TCF4: variants seen among roughly 807,000 people sequenced by gnomAD.
TCF4 encodes the protein SL3-3 enhancer factor 2.
TCF4 carries 3 observed loss-of-function variants against 82.1 expected under a neutral mutation model. The ratio of observed to expected loss-of-function variants is 0.04; its 90% CI spans 0.02 to 0.09. The LOEUF is 0.09. Ranked by LOEUF, TCF4 falls within the 10% of genes least tolerant of loss-of-function variation. TCF4 has a pLI of 1.00. For missense variants in TCF4, 518 were observed against 852.7 expected, an observed-to-expected ratio of 0.61 and a Z score of 4.89; for synonymous variants, 276 against 309.6, an observed-to-expected ratio of 0.89 and a Z score of 1.14.
At chr18:55,267,193 T>C (rs2059381672) in intron 11 of TCF4, 1 of 152,170 alleles carries the variant, frequency 6.6e-6, no homozygotes, top group Non-Finnish European at 1.5e-5. Flanking sequence ...ATCTCAAACA[T>C]GTGTCAGGCT....
chr18:55,618,356 C>A (rs1432639914), intron 2 of TCF4, among the ~76,000 whole-genome samples: 1 of 152,114 alleles, frequency 6.6e-6, no homozygotes, highest in South Asian at 2.1e-4. Context: ...AGAATCTATC[C>A]ATTTCTTAAA....
intron 6 of TCF4, among the ~76,000 whole-genome samples, chr18:55,355,884 G>C (rs563789411): frequency 6.6e-6 from 1 of 152,236 alleles, no homozygotes; most frequent in African/African-American, 2.4e-5. Context: ...CATTGTGTCT[G>C]TAACAAGTCA....
intron 3 of TCF4, among the ~76,000 whole-genome samples, chr18:55,582,537 C>T (rs769313662): frequency 1.3e-5 from 2 of 152,078 alleles, no homozygotes; most frequent in African/African-American, 4.8e-5. Flanking sequence ...CAGGCTGTAG[C>T]TCAGGTTACA....
intron 8 of TCF4, among the ~76,000 whole-genome samples, chr18:55,348,926 G>A (rs997893571): frequency 6.6e-5 from 10 of 152,164 alleles, no homozygotes; most frequent in Non-Finnish European, 1.3e-4. Context: ...AATGTAAACA[G>A]CTGTTAGGAC....
intron 5 of TCF4, among the ~76,000 whole-genome samples, chr18:55,456,815 C>A (rs2095765725): frequency 6.6e-6 from 1 of 152,094 alleles, no homozygotes; most frequent in Non-Finnish European, 1.5e-5. Flanking sequence ...CTCATCGACC[C>A]TTTCTACCAT....
At chr18:55,371,530 A>G (rs905517631) in intron 6 of TCF4, among the ~76,000 whole-genome samples, 5 of 152,208 alleles carry the variant, frequency 3.3e-5, no homozygotes, top group African/African-American at 1.2e-4. Flanking sequence ...GTGAGAGCCA[A>G]GGAAGCTTTG....
chr18:55,470,181 T>C (rs2096142364), intron 3 of TCF4, among the ~76,000 whole-genome samples: 4 of 152,212 alleles, frequency 2.6e-5, no homozygotes. Flanking sequence ...TAACATTTGT[T>C]AAACACTTAG....
intron 2 of TCF4, among the ~76,000 whole-genome samples, chr18:55,623,208 G>A (rs1487884839): frequency 6.6e-6 from 1 of 152,084 alleles, no homozygotes; most frequent in Non-Finnish European, 1.5e-5. Context: ...TGGTCACTAT[G>A]TCAAAATTTC....
chr18:55,503,713 A>T (rs1368215400), intron 3 of TCF4, among the ~76,000 whole-genome samples: 9 of 152,186 alleles, frequency 5.9e-5, no homozygotes, highest in Admixed American at 5.9e-4. Context: ...TCTTTAGGCA[A>T]TATGGCCCTG....
chr18:55,540,927 A>G (rs905058213), intron 3 of TCF4, among the ~76,000 whole-genome samples: 1 of 152,050 alleles, frequency 6.6e-6, no homozygotes, highest in East Asian at 1.9e-4. Flanking sequence ...AGAGAAAAAT[A>G]TACAACAAAA....
At chr18:55,470,587 A>G (rs1211995229) in intron 3 of TCF4, among the ~76,000 whole-genome samples, 2 of 152,206 alleles carry the variant, frequency 1.3e-5, no homozygotes, top group African/African-American at 4.8e-5. Flanking sequence ...ACTAAATACC[A>G]TGTAACTTTC....
intron 1 of TCF4, among the ~76,000 whole-genome samples, chr18:55,587,505 T>C (rs1568469393): frequency 1.3e-5 from 2 of 149,180 alleles, no homozygotes; most frequent in Admixed American, 1.3e-4. Context: ...GAGAAATGAA[T>C]GGATCACAGA....
At chr18:55,541,591 G>C (rs2097165758) in intron 3 of TCF4, among the ~76,000 whole-genome samples, 1 of 151,924 alleles carries the variant, frequency 6.6e-6, no homozygotes, top group Non-Finnish European at 1.5e-5. Context: ...ATTTTTCAGA[G>C]AATGCAGTTA....
At chr18:55,385,368 T>C (rs1272032100) in intron 6 of TCF4, among the ~76,000 whole-genome samples, 1 of 152,200 alleles carries the variant, frequency 6.6e-6, no homozygotes, top group Middle Eastern at 3.2e-3. Flanking sequence ...CCAATCTGCC[T>C]GCCATACCCA....
intron 5 of TCF4, among the ~76,000 whole-genome samples, chr18:55,409,068 A>T (rs1435425822): frequency 2.0e-5 from 3 of 152,206 alleles, no homozygotes; most frequent in Non-Finnish European, 2.9e-5. Context: ...AACACAAAGC[A>T]ACTAATTAAC....
chr18:55,374,709 G>A (rs2090269306), intron 6 of TCF4, among the ~76,000 whole-genome samples: 1 of 151,774 alleles, frequency 6.6e-6, no homozygotes, highest in African/African-American at 2.4e-5. Flanking sequence ...AGACCAGCAT[G>A]AGCAACATGG....
chr18:55,238,689 T>C (rs2050275975), intron 15 of TCF4, among the ~76,000 whole-genome samples: 1 of 150,852 alleles, frequency 6.6e-6, no homozygotes, highest in Non-Finnish European at 1.5e-5. Flanking sequence ...GCTGGGCTAT[T>C]CAGCCTCTCT....
chr18:55,631,253 T>C (rs1359733479), intron 2 of TCF4: 10 of 857,252 alleles, frequency 1.2e-5, no homozygotes, highest in Non-Finnish European at 1.7e-5. Flanking sequence ...TTTCATCATG[T>C]TGGCCAGGCT....
chr18:55,285,741 C>G (rs1225458091), intron 8 of TCF4, among the ~76,000 whole-genome samples: 1 of 152,186 alleles, frequency 6.6e-6, no homozygotes, highest in Non-Finnish European at 1.5e-5. Context: ...CACTCGCCGT[C>G]AGGACAGCTA....
Sources: gnomAD v4.1 joint callset for allele counts (sites outside exome capture counted in the v4.1 genomes callset) on GRCh38, gnomAD v4.1.1 for gene constraint, MANE v1.5 for transcripts, NCBI Gene and HGNC (gene_info 2026-07-23, HGNC 2026-07-21) for gene names.